Variants in CCSER1 observed in about 807,000 individuals in gnomAD.
The protein encoded by CCSER1 is serine-rich coiled-coil domain-containing protein 1.
CCSER1 carries 41 observed loss-of-function variants against 82.0 expected under a neutral mutation model. The ratio of observed to expected loss-of-function variants is 0.50; its 90% CI spans 0.39 to 0.65. CCSER1 has a LOEUF of 0.65. Among genes scored for constraint, CCSER1 ranks in the 30% least tolerant of loss-of-function variants. The pLI, the probability that CCSER1 is intolerant of heterozygous loss-of-function variation, is 0.00. For missense variants in CCSER1, 1,119 were observed against 1,064.2 expected, an observed-to-expected ratio of 1.05 and a Z score of -0.72; for synonymous variants, 414 against 383.9, an observed-to-expected ratio of 1.08 and a Z score of -0.92.
At chr4:90,841,597 A>AG (rs1239914927) in intron 8 of CCSER1, among the ~76,000 whole-genome samples, 543 of 150,228 alleles carry the variant, frequency 3.6e-3, no homozygotes, top group Non-Finnish European at 5.8e-3. Flanking sequence ...AAAAAAAAAA[A>AG]AGAAGAAGAA....
intron 10 of CCSER1, among the ~76,000 whole-genome samples, chr4:91,564,740 C>A (rs1356449012): frequency 6.6e-6 from 1 of 151,730 alleles, no homozygotes; most frequent in Non-Finnish European, 1.5e-5. Context: ...TTGTTTCTCT[C>A]TTGTTAATTT....
chr4:90,832,466 A>G (rs1392550614), intron 8 of CCSER1, among the ~76,000 whole-genome samples: 2 of 152,166 alleles, frequency 1.3e-5, no homozygotes, highest in East Asian at 1.9e-4. Flanking sequence ...AAGCATCTTC[A>G]TCGCTTTGAG....
chr4:90,735,831 A>G (rs1395094538), intron 7 of CCSER1, among the ~76,000 whole-genome samples: 1 of 152,052 alleles, frequency 6.6e-6, no homozygotes, highest in Admixed American at 6.5e-5. Flanking sequence ...CTTTTTTGAA[A>G]TAGGTGCTTA....
chr4:91,060,642 GGTTA>G (rs1487052288), intron 9 of CCSER1, among the ~76,000 whole-genome samples: 1 of 151,750 alleles, frequency 6.6e-6, no homozygotes, highest in Non-Finnish European at 1.5e-5. Context: ...TCTTCTTCAG[GGTTA>G]GTTAGTTGCT....
intron 4 of CCSER1, among the ~76,000 whole-genome samples, chr4:90,453,785 T>A (rs980690263): frequency 2.0e-5 from 3 of 152,180 alleles, no homozygotes; most frequent in Non-Finnish European, 4.4e-5. Flanking sequence ...AAGGCTTTCC[T>A]GAGACACCCC....
intron 9 of CCSER1, among the ~76,000 whole-genome samples, chr4:91,061,401 A>G (rs1305853096): frequency 6.6e-6 from 1 of 152,032 alleles, no homozygotes; most frequent in Admixed American, 6.6e-5. Flanking sequence ...CCACTTCCCT[A>G]AGATTTTTCT....
chr4:91,289,261 A>C (rs1351306504), intron 10 of CCSER1, among the ~76,000 whole-genome samples: 1 of 152,044 alleles, frequency 6.6e-6, no homozygotes, highest in East Asian at 1.9e-4. Context: ...CATACAGCTG[A>C]TTTATTAAAG....
chr4:90,354,442 T>C (rs953461671), intron 3 of CCSER1, among the ~76,000 whole-genome samples: 2 of 152,140 alleles, frequency 1.3e-5, no homozygotes, highest in Non-Finnish European at 2.9e-5. Flanking sequence ...AATACTGTAA[T>C]GTATAGTTTA....
chr4:90,794,575 A>G (rs1213167266), intron 7 of CCSER1, among the ~76,000 whole-genome samples: 1 of 152,148 alleles, frequency 6.6e-6, no homozygotes. Flanking sequence ...CCTGTATCAT[A>G]GTTTGAAGTT....
At chr4:90,671,391 T>C (rs555245126) in intron 6 of CCSER1, among the ~76,000 whole-genome samples, 1 of 152,188 alleles carries the variant, frequency 6.6e-6, no homozygotes, top group South Asian at 2.1e-4. Context: ...TCCAAAACTT[T>C]TCTTGTCCTT....
chr4:90,866,280 G>A (rs1765718085), intron 8 of CCSER1, among the ~76,000 whole-genome samples: 1 of 151,952 alleles, frequency 6.6e-6, no homozygotes, highest in Non-Finnish European at 1.5e-5. Flanking sequence ...AATTTGCTTT[G>A]AGGAAATATT....
At chr4:90,391,487 CA>C (rs1561152717) in intron 3 of CCSER1, among the ~76,000 whole-genome samples, 2 of 49,076 alleles carry the variant, frequency 4.1e-5, no homozygotes, top group Non-Finnish European at 7.3e-5. Flanking sequence ...TATATATATA[CA>C]CACACACAGT....
intron 7 of CCSER1, among the ~76,000 whole-genome samples, chr4:90,812,248 C>A (rs188637506): frequency 1.3e-5 from 2 of 152,228 alleles, no homozygotes; most frequent in Admixed American, 1.3e-4. Context: ...ATTGTGCCCC[C>A]CCAGATTAAG....
intron 10 of CCSER1, among the ~76,000 whole-genome samples, chr4:91,302,605 A>G (rs1222121113): frequency 2.0e-5 from 3 of 151,982 alleles, no homozygotes; most frequent in African/African-American, 7.2e-5. Context: ...CCTATGGCTT[A>G]TTTATTGTGA....
At position 91,296,464 on chromosome 4, in the gene CCSER1, TATGTATATATATATA is replaced by T. The variant is rs1423788651; in HGVS notation, c.2217+210471_2217+210485del. ...GTGTCTAACATTATATATATATATA[TATGTATATATATATA>T]TATATATTTTAATTAAATATACAGT... On this transcript the variant is annotated intron_variant, in intron 10 of 10. Coordinates refer to ENST00000509176, the MANE Select transcript of CCSER1 (RefSeq NM_001145065.2). Among the ~76,000 whole-genome samples the T allele has an allele frequency of 2.7e-4, 14 of 50,956 alleles. 1 individual carries two copies. Among genetic ancestry groups the T allele is most frequent in the African/African-American group, 1.0e-3 (13 of 12,664 alleles). 33.4% of individuals were successfully genotyped at this position (50,956 alleles called of 152,430 possible).
chr4:90,672,522 T>G (rs528510044), intron 6 of CCSER1, among the ~76,000 whole-genome samples: 2 of 152,144 alleles, frequency 1.3e-5, no homozygotes, highest in East Asian at 3.9e-4. Flanking sequence ...TCTATTGAGA[T>G]CACAACTTTT....
chr4:91,399,741 G>A (rs1335645186), intron 10 of CCSER1, among the ~76,000 whole-genome samples: 1 of 151,886 alleles, frequency 6.6e-6, no homozygotes, highest in Non-Finnish European at 1.5e-5. Flanking sequence ...GGTAGGAATT[G>A]GGGAAAGAGC....
chr4:90,271,509 A>C (rs1726271671), intron 1 of CCSER1, among the ~76,000 whole-genome samples: 1 of 152,000 alleles, frequency 6.6e-6, no homozygotes, highest in African/African-American at 2.4e-5. Flanking sequence ...TTAAAGACTT[A>C]AATCTGAGAT....
At chr4:91,564,629 A>G (rs1560766873) in intron 10 of CCSER1, among the ~76,000 whole-genome samples, 1 of 151,050 alleles carries the variant, frequency 6.6e-6, no homozygotes, top group Non-Finnish European at 1.5e-5. Context: ...TTTGATTTGC[A>G]TTTCTCTAAT....
Sources: allele counts gnomAD v4.1 joint callset (sites outside exome capture counted in the v4.1 genomes callset), GRCh38; gene constraint gnomAD v4.1.1; transcripts MANE v1.5; gene names NCBI Gene and HGNC (gene_info 2026-07-23, HGNC 2026-07-21).